The following ANXA8 variants were observed in gnomAD, a reference collection of about 807,000 sequenced individuals.
ANXA8 encodes the protein annexin A8, also known as VAC-beta.
ANXA8 carries 9 observed loss-of-function variants against 26.8 expected under a neutral mutation model. The ratio of observed to expected loss-of-function variants is 0.34; its 90% CI spans 0.20 to 0.59. The LOEUF is 0.59. Among genes scored for constraint, ANXA8 ranks in the 20% least tolerant of loss-of-function variants. The probability of loss-of-function intolerance (pLI) is 0.84; values close to 1 mark genes in which losing one functional copy is unlikely to be tolerated. For synonymous variants in ANXA8, 39 were observed against 94.8 expected (o/e 0.41, Z 3.42); for missense variants, 83 against 238.5 (o/e 0.35, Z 4.29).
chr10:47,498,151 T>A, the ANXA8 span, among the ~76,000 whole-genome samples: 8 of 150,146 alleles, frequency 5.3e-5, no homozygotes, highest in Non-Finnish European at 7.4e-5. Flanking sequence ...AACTTCCCAT[T>A]TTCTCCCTTC....
At chr10:47,572,675 C>A in the ANXA8 span, among the ~76,000 whole-genome samples, 1 of 140,532 alleles carries the variant, frequency 7.1e-6, no homozygotes, top group Non-Finnish European at 1.5e-5. Context: ...TGACGTCATG[C>A]CGTTGTACTC....
At chr10:47,580,093 AT>A in the ANXA8 span, among the ~76,000 whole-genome samples, 1 of 150,876 alleles carries the variant, frequency 6.6e-6, no homozygotes, top group Non-Finnish European at 1.5e-5. Flanking sequence ...CAATTTGTGT[AT>A]TTTTTTGTGG....
the ANXA8 span, among the ~76,000 whole-genome samples, chr10:47,894,391 CCACA>C: frequency 0.23 from 28,051 of 123,834 alleles, 527 homozygotes; most frequent in Non-Finnish European, 0.26. Flanking sequence ...ACGCCACACA[CCACA>C]CACACACACC....
At chr10:47,543,751 G>C in the ANXA8 span, 1 of 299,404 alleles carries the variant, frequency 3.3e-6, no homozygotes, top group Non-Finnish European at 6.2e-6. Context: ...TCACACTCTT[G>C]TCCACTAAGC....
chr10:47,670,360 T>A, the ANXA8 span, among the ~76,000 whole-genome samples: 1 of 152,010 alleles, frequency 6.6e-6, no homozygotes, highest in Non-Finnish European at 1.5e-5. Context: ...TTGTTTTTAT[T>A]CTTTTAGGTA....
the ANXA8 span, among the ~76,000 whole-genome samples, chr10:47,958,912 T>G: frequency 0.021 from 3,146 of 149,970 alleles, 219 homozygotes; most frequent in African/African-American, 0.074. Context: ...TATCTAGTCC[T>G]AACTTTAACA....
chr10:47,549,508 CAGA>C, the ANXA8 span: 2 of 675,398 alleles, frequency 3.0e-6, no homozygotes, highest in African/African-American at 3.7e-5. Flanking sequence ...AGGAGTGTAC[CAGA>C]AGTTCATTTT....
At chr10:47,900,316 A>C in the ANXA8 span, among the ~76,000 whole-genome samples, 1 of 151,982 alleles carries the variant, frequency 6.6e-6, no homozygotes, top group African/African-American at 2.4e-5. Context: ...ACCAAATAAC[A>C]GTAATCATTT....
At chr10:47,659,485 G>C in the ANXA8 span, among the ~76,000 whole-genome samples, 1 of 151,362 alleles carries the variant, frequency 6.6e-6, no homozygotes, top group Non-Finnish European at 1.5e-5. Flanking sequence ...TTCGAGACCA[G>C]CCTCAGTATG....
chr10:47,750,337 TTTTA>T, the ANXA8 span, among the ~76,000 whole-genome samples: 167 of 139,226 alleles, frequency 1.2e-3, no homozygotes, highest in Admixed American at 4.6e-3. Flanking sequence ...TTAATCTAAA[TTTTA>T]TTTATTTATT....
the ANXA8 span, among the ~76,000 whole-genome samples, chr10:47,556,008 G>A: frequency 6.6e-6 from 1 of 151,854 alleles, no homozygotes. Context: ...ATTCCCAACA[G>A]GTAGGATTTA....
At chr10:47,733,203 T>TTCTCTCTCTC in the ANXA8 span, among the ~76,000 whole-genome samples, 2 of 107,786 alleles carry the variant, frequency 1.9e-5, no homozygotes, top group South Asian at 3.5e-4. Context: ...CTTTCTTTCT[T>TTCTCTCTCTC]TCTTTCTTTC....
chr10:47,650,526 G>T, the ANXA8 span, among the ~76,000 whole-genome samples: 1 of 151,520 alleles, frequency 6.6e-6, no homozygotes. Context: ...CAATGGGCAG[G>T]CCAGGTGTGG....
chr10:47,768,792 C>T, the ANXA8 span, among the ~76,000 whole-genome samples: 1,263 of 151,652 alleles, frequency 8.3e-3, 30 homozygotes, highest in African/African-American at 0.029. Context: ...ATTGTGGCTT[C>T]TTGGTTCTGA....
upstream of ANXA8, chr10:47,487,447 C>A: frequency 1.2e-6 from 1 of 854,244 alleles, no homozygotes; most frequent in Non-Finnish European, 1.7e-6. Flanking sequence ...GATCCACCTG[C>A]TGAACTTGTG....
At chr10:47,470,352 G>C (rs1283414819) in intron 11 of ANXA8, among the ~76,000 whole-genome samples, 1 of 146,562 alleles carries the variant, frequency 6.8e-6, no homozygotes, top group East Asian at 2.0e-4. Context: ...CTCTGATGCC[G>C]TAAGTTACCA....
At chr10:47,975,797 C>T in the ANXA8 span, among the ~76,000 whole-genome samples, 38 of 145,064 alleles carry the variant, frequency 2.6e-4, no homozygotes, top group Admixed American at 2.5e-3. Flanking sequence ...GCTCTACAGA[C>T]AGGCCCTGTT....
At chr10:47,681,381 T>C in the ANXA8 span, among the ~76,000 whole-genome samples, 1 of 151,008 alleles carries the variant, frequency 6.6e-6, no homozygotes, top group Non-Finnish European at 1.5e-5. Flanking sequence ...TTAATTTTTC[T>C]TGATTGTGTT....
chr10:47,489,272 C>A, the ANXA8 span, among the ~76,000 whole-genome samples: 1 of 143,438 alleles, frequency 7.0e-6, no homozygotes, highest in Non-Finnish European at 1.5e-5. Context: ...CCCTCCTCAG[C>A]CTCCCAAAGT....
Sources: gnomAD v4.1 joint callset for allele counts (sites outside exome capture counted in the v4.1 genomes callset) on GRCh38, gnomAD v4.1.1 for gene constraint, MANE v1.5 for transcripts, NCBI Gene and HGNC (gene_info 2026-07-23, HGNC 2026-07-21) for gene names.